Variants in PREX2 observed in about 807,000 individuals in gnomAD.
PREX2 encodes phosphatidylinositol 3,4,5-trisphosphate-dependent Rac exchanger 2 protein.
A neutral mutation model predicts 203.2 loss-of-function variants in PREX2; 107 were observed. The observed-to-expected ratio is 0.53, with a 90% CI of 0.45 to 0.62. The LOEUF is 0.62. Among genes scored for constraint, PREX2 ranks in the 20% least tolerant of loss-of-function variants. PREX2 has a pLI of 0.00. For missense variants in PREX2, 1,777 were observed against 1,955.9 expected (o/e 0.91, Z 1.72); for synonymous variants, 672 against 663.6 (o/e 1.01, Z -0.19).
At chr8:68,147,347 C>T (rs905578985) in intron 34 of PREX2, among the ~76,000 whole-genome samples, 1 of 152,046 alleles carries the variant, frequency 6.6e-6, no homozygotes, top group African/African-American at 2.4e-5. Flanking sequence ...GTGTCCCCAC[C>T]CAAATCTCAT....
chr8:68,179,859 C>T (rs35992937), intron 35 of PREX2, among the ~76,000 whole-genome samples: 21,294 of 152,004 alleles, frequency 0.14, 1,740 homozygotes, highest in East Asian at 0.21. Flanking sequence ...CACAGGGTTT[C>T]AGGAAGGTTA....
chr8:68,002,540 C>T (rs983627321), intron 1 of PREX2, among the ~76,000 whole-genome samples: 1 of 152,152 alleles, frequency 6.6e-6, no homozygotes, highest in African/African-American at 2.4e-5. Context: ...TAGAAGCGTT[C>T]AGTGTACCCC....
intron 1 of PREX2, among the ~76,000 whole-genome samples, chr8:67,992,281 T>C (rs899852650): frequency 2.6e-5 from 4 of 152,244 alleles, no homozygotes; most frequent in African/African-American, 9.6e-5. Flanking sequence ...TAGTATGATG[T>C]CATAGATTGA....
At position 68,022,150 on chromosome 8, in the gene PREX2, T is replaced by A; in HGVS notation, c.441+10T>A. On this transcript the variant is annotated intron_variant, in intron 4 of 39. Transcript: ENST00000288368. The stretch of plus-strand genomic sequence containing the variant: ...CCGGACATTTCTTTTGGTAAGTGTA[T>A]ATTTATGTGTTACTGTATGTTGATA... 1 of 1,281,614 alleles carries A rather than the reference T, an allele frequency of 7.8e-7. No homozygotes were observed. Among genetic ancestry groups the A allele is most frequent in the Non-Finnish European group, 1.1e-6 (1 of 877,298 alleles). 79.4% of individuals were successfully genotyped at this position (1,281,614 alleles called of 1,614,324 possible).
chr8:68,061,354 A>G (rs1268307183), intron 11 of PREX2, among the ~76,000 whole-genome samples: 1 of 152,106 alleles, frequency 6.6e-6, no homozygotes, highest in Non-Finnish European at 1.5e-5. Context: ...GCTTATTCCG[A>G]GGGGGGCCAG....
intron 8 of PREX2, among the ~76,000 whole-genome samples, chr8:68,046,076 T>C (rs1444059297): frequency 6.6e-6 from 1 of 152,042 alleles, no homozygotes; most frequent in African/African-American, 2.4e-5. Flanking sequence ...TGGACCTGAT[T>C]ACCCATAATG....
chr8:68,132,640 CTTTT>C (rs1204886297), intron 31 of PREX2, among the ~76,000 whole-genome samples: 1 of 151,944 alleles, frequency 6.6e-6, no homozygotes, highest in Non-Finnish European at 1.5e-5. Flanking sequence ...AAAATTATGC[CTTTT>C]TTGTCAATAA....
intron 37 of PREX2, among the ~76,000 whole-genome samples, chr8:68,216,673 G>C (rs1015650903): frequency 3.3e-5 from 5 of 152,028 alleles, no homozygotes; most frequent in African/African-American, 1.2e-4. Context: ...ATGCCTTAAA[G>C]AAAAGGAAAA....
At chr8:68,106,195 G>A (rs1212939384) in intron 23 of PREX2, 1 of 413,110 alleles carries the variant, frequency 2.4e-6, no homozygotes, top group East Asian at 6.6e-5. Flanking sequence ...GGTGGATGCT[G>A]TTACCTAATA....
chr8:68,002,185 C>T (rs4737249), intron 1 of PREX2, among the ~76,000 whole-genome samples: 100,642 of 147,252 alleles, frequency 0.68, 34,691 homozygotes, highest in South Asian at 0.81. Flanking sequence ...TCTCGCTGTG[C>T]CATCTAGGCT....
intron 35 of PREX2, among the ~76,000 whole-genome samples, chr8:68,159,946 T>C (rs1180032853): frequency 2.0e-5 from 3 of 152,124 alleles, no homozygotes; most frequent in African/African-American, 4.8e-5. Flanking sequence ...CTATAAGCTG[T>C]AAATGGCTCA....
At position 68,158,407 on chromosome 8, in the gene PREX2, T is replaced by C. The variant is rs1444853861; in HGVS notation, c.4346+971T>C. On this transcript the variant is annotated intron_variant, in intron 35 of 39. Coordinates refer to ENST00000288368, the MANE Select transcript of PREX2 (RefSeq NM_024870.4). Reference sequence around the variant, plus strand: ...AGTTTATTTGGGCCAAGCTTGAGAATTGCAAGCCAGGAGCATAGATTCAAA... The same window carrying C: ...AGTTTATTTGGGCCAAGCTTGAGAACTGCAAGCCAGGAGCATAGATTCAAA... 4.6e-5 allele frequency among the ~76,000 whole-genome samples: 7 copies of C among 152,056 alleles called. 1 individual carries two copies. The highest frequency in any genetic ancestry group is 3.9e-4 in the Admixed American group (6 of 15,240).
chr8:68,046,313 G>C (rs1044316111), intron 8 of PREX2, among the ~76,000 whole-genome samples: 1 of 151,928 alleles, frequency 6.6e-6, no homozygotes, highest in Non-Finnish European at 1.5e-5. Flanking sequence ...TGTGCTTTTG[G>C]GCAGCTGGAG....
At chr8:68,102,712 A>G in intron 23 of PREX2, 1 of 394,010 alleles carries the variant, frequency 2.5e-6, no homozygotes, top group Admixed American at 3.3e-5. Flanking sequence ...GCTTTACCTT[A>G]TTTTGACTCT....
At chr8:68,114,278 G>A (rs765733073) in intron 25 of PREX2, 10 of 505,386 alleles carry the variant, frequency 2.0e-5, no homozygotes, top group South Asian at 1.5e-4. Flanking sequence ...CATTGGGTTT[G>A]ACATTATGGA....
At chr8:67,991,711 C>A (rs1806614769) in intron 1 of PREX2, among the ~76,000 whole-genome samples, 2 of 152,112 alleles carry the variant, frequency 1.3e-5, no homozygotes, top group African/African-American at 4.8e-5. Context: ...CGAGATTTGG[C>A]TGGTGACACA....
intron 36 of PREX2, 139 bp downstream of exon 36, chr8:68,191,927 C>G (rs964475090): frequency 6.5e-6 from 4 of 615,358 alleles, no homozygotes; most frequent in Admixed American, 6.3e-5. Flanking sequence ...GAGACAGTCT[C>G]TTCTTTATTC....
intron 23 of PREX2, chr8:68,105,028 A>T: frequency 2.6e-6 from 2 of 756,730 alleles, no homozygotes; most frequent in South Asian, 1.6e-5. Flanking sequence ...GTTTCCTTTG[A>T]TGTTGCTAAA....
At chr8:68,226,337 T>C (rs1380378440) in intron 39 of PREX2, among the ~76,000 whole-genome samples, 1 of 151,842 alleles carries the variant, frequency 6.6e-6, no homozygotes, top group Non-Finnish European at 1.5e-5. Flanking sequence ...CAAGGAAAGG[T>C]AGAAAACAGG....
Sources: allele counts gnomAD v4.1 joint callset (sites outside exome capture counted in the v4.1 genomes callset), GRCh38; gene constraint gnomAD v4.1.1; transcripts MANE v1.5; gene names NCBI Gene and HGNC (gene_info 2026-07-23, HGNC 2026-07-21).